PDE8A: variants seen among roughly 807,000 people sequenced by gnomAD.
PDE8A encodes the protein high affinity cAMP-specific and IBMX-insensitive 3',5'-cyclic phosphodiesterase 8A.
PDE8A carries 59 observed loss-of-function variants against 105.0 expected under a neutral mutation model. The observed-to-expected ratio is 0.56, with a 90% CI of 0.46 to 0.70. The LOEUF (loss-of-function observed/expected upper bound fraction) is 0.70, where lower values mean the gene tolerates loss of function less well. Among genes scored for constraint, PDE8A ranks in the 30% least tolerant of loss-of-function variants. The pLI is 0.00. For missense variants in PDE8A, 1,014 were observed against 1,045.9 expected, an observed-to-expected ratio of 0.97 and a Z score of 0.42; for synonymous variants, 355 against 371.9, an observed-to-expected ratio of 0.95 and a Z score of 0.52.
At chr15:85,067,359 T>TG (rs1343996270) in intron 3 of PDE8A, among the ~76,000 whole-genome samples, 155 bp downstream of exon 3, 1 of 152,228 alleles carries the variant, frequency 6.6e-6, no homozygotes, top group Non-Finnish European at 1.5e-5. Flanking sequence ...ATAGGACTGA[T>TG]GCATATCTCT....
chr15:85,080,943 T>C (rs1243045704), intron 5 of PDE8A, among the ~76,000 whole-genome samples: 1 of 152,198 alleles, frequency 6.6e-6, no homozygotes, highest in East Asian at 1.9e-4. Context: ...GTAGAGGTAG[T>C]GGCAGGCTCT....
chr15:85,130,293 A>AT (rs1259397299), intron 20 of PDE8A, among the ~76,000 whole-genome samples: 1 of 152,138 alleles, frequency 6.6e-6, no homozygotes, highest in Non-Finnish European at 1.5e-5. Flanking sequence ...ACTGGGGATT[A>AT]TTTTTCAACA....
intron 1 of PDE8A, among the ~76,000 whole-genome samples, chr15:85,020,943 T>A (rs1048453819): frequency 5.3e-5 from 8 of 152,228 alleles, no homozygotes; most frequent in Admixed American, 3.3e-4. Flanking sequence ...TTATTCATGT[T>A]GTCCCACTAA....
intron 3 of PDE8A, among the ~76,000 whole-genome samples, chr15:85,075,508 C>CT (rs2081368248): frequency 6.6e-6 from 1 of 152,158 alleles, no homozygotes; most frequent in South Asian, 2.1e-4. Context: ...TTGCATTTTC[C>CT]TTTGGAAGAA....
intron 7 of PDE8A, chr15:85,090,813 G>C: frequency 1.7e-6 from 1 of 583,660 alleles, no homozygotes; most frequent in Non-Finnish European, 3.2e-6. Context: ...GGAGCCTCAG[G>C]AGAACATAGC....
intron 1 of PDE8A, among the ~76,000 whole-genome samples, chr15:85,026,808 TAAAAC>T (rs2080525499): frequency 6.6e-6 from 1 of 152,084 alleles, no homozygotes; most frequent in Admixed American, 6.5e-5. Context: ...ATTTAAAAAA[TAAAAC>T]AAGTTAGAAT....
intron 1 of PDE8A, among the ~76,000 whole-genome samples, chr15:85,038,216 G>GGGGTGT (rs1491197580): frequency 7.7e-4 from 37 of 48,324 alleles, no homozygotes; most frequent in African/African-American, 3.7e-3. Context: ...CCAATTGGGG[G>GGGGTGT]GTGTGTGTGT....
chr15:85,012,511 A>G (rs1275254578), intron 1 of PDE8A, among the ~76,000 whole-genome samples: 1 of 136,576 alleles, frequency 7.3e-6, no homozygotes, highest in Non-Finnish European at 1.6e-5. Flanking sequence ...GAACACATGG[A>G]CACAGGAAGG....
intron 1 of PDE8A, among the ~76,000 whole-genome samples, chr15:85,049,947 T>C (rs67762593): frequency 0.089 from 13,474 of 152,234 alleles, 1,660 homozygotes; most frequent in African/African-American, 0.28. Context: ...AATATTTCCA[T>C]CAACAGGGCA....
At position 85,137,975 on chromosome 15, in the gene PDE8A, T is replaced by G. The variant is rs777869005; in HGVS notation, c.*72T>G. ...TGGAATTCCTGAGGGCAGCCAGAGC[T>G]CCTTGGTCCTTTCAGTACTAGGCAG... On this transcript the variant is annotated 3_prime_UTR_variant, in exon 22 of 22. Coordinates refer to ENST00000394553, the MANE Select transcript of PDE8A (RefSeq NM_002605.3). The G allele has an allele frequency of 1.1e-6, 1 of 929,332 alleles. No individual in the cohort carries two copies. The highest frequency in any genetic ancestry group is 1.4e-5 in the South Asian group (1 of 72,758). The allele number at this position is 929,332 out of a possible 1,614,324, so 57.6% of individuals were successfully genotyped here. A position where few individuals can be genotyped will look rare whatever the true frequency, so the allele number is the denominator to read the frequency against.
At chr15:85,040,760 C>T (rs898459302) in intron 1 of PDE8A, among the ~76,000 whole-genome samples, 7 of 151,830 alleles carry the variant, frequency 4.6e-5, no homozygotes, top group South Asian at 2.1e-4. Flanking sequence ...AGGGTTTCAC[C>T]GTGTTAGCCA....
intron 14 of PDE8A, 145 bp downstream of exon 14, chr15:85,114,182 G>T: frequency 1.5e-6 from 1 of 689,586 alleles, no homozygotes; most frequent in Non-Finnish European, 2.4e-6. Flanking sequence ...CATTGCCTGG[G>T]TTCTGCTATT....
chr15:85,020,865 T>C (rs982031687), intron 1 of PDE8A, among the ~76,000 whole-genome samples: 1 of 152,202 alleles, frequency 6.6e-6, no homozygotes, highest in Non-Finnish European at 1.5e-5. Context: ...AAGGACATTC[T>C]CTATTATCAA....
chr15:85,066,911 C>T lies in PDE8A; in HGVS notation c.244-103C>T, dbSNP rs1034137656. 3 of 824,028 alleles carry T rather than the reference C, an allele frequency of 3.6e-6. No individual in the cohort carries two copies. In the African/African-American group the frequency reaches 5.2e-5, roughly 14 times the overall value. The allele number at this position is 824,028 out of a possible 1,614,324, so 51.0% of individuals were successfully genotyped here. ...CCAAGATCATGCCATTACACTCCAG[C>T]CTGAGCAACAGAGCAAGACTCTGTC... is the stretch of plus-strand genomic sequence containing the variant. On this transcript the variant is annotated intron_variant, in intron 2 of 21. Transcript: ENST00000394553.
intron 1 of PDE8A, among the ~76,000 whole-genome samples, chr15:85,029,683 G>C (rs927194075): frequency 2.0e-5 from 3 of 152,130 alleles, no homozygotes; most frequent in African/African-American, 7.2e-5. Flanking sequence ...AACATTTTCT[G>C]GTGCCTGACA....
intron 7 of PDE8A, among the ~76,000 whole-genome samples, chr15:85,090,435 A>T (rs72759054): frequency 2.0e-5 from 3 of 152,156 alleles, no homozygotes; most frequent in African/African-American, 7.2e-5. Context: ...CAGTTTTCCC[A>T]TGTATTTTCT....
intron 5 of PDE8A, 84 bp from the exon 6 acceptor site, chr15:85,083,472 G>T: frequency 1.3e-6 from 1 of 770,882 alleles, no homozygotes. Flanking sequence ...GCCAAGTTGA[G>T]AAGTTTGTTT....
intron 1 of PDE8A, among the ~76,000 whole-genome samples, chr15:84,990,233 A>C (rs1418095578): frequency 1.3e-5 from 2 of 152,226 alleles, no homozygotes; most frequent in Non-Finnish European, 2.9e-5. Context: ...TACATTTTTA[A>C]ATGTGAAATG....
intron 1 of PDE8A, among the ~76,000 whole-genome samples, chr15:85,016,303 A>G (rs1028094596): frequency 6.6e-5 from 10 of 152,186 alleles, no homozygotes; most frequent in African/African-American, 1.9e-4. Flanking sequence ...CATGTACTCA[A>G]TGGTTTTATT....
Sources: gnomAD v4.1 joint callset for allele counts (sites outside exome capture counted in the v4.1 genomes callset) on GRCh38, gnomAD v4.1.1 for gene constraint, MANE v1.5 for transcripts, NCBI Gene and HGNC (gene_info 2026-07-23, HGNC 2026-07-21) for gene names.